Variants in GCG observed in about 807,000 individuals in gnomAD.
GCG encodes the protein glucagon.
Under a neutral mutation model 22.8 loss-of-function variants are expected in GCG, and 11 were observed. The observed-to-expected ratio is 0.48, with a 90% CI of 0.30 to 0.80. The LOEUF (loss-of-function observed/expected upper bound fraction) is 0.80, where lower values mean the gene tolerates loss of function less well. GCG is among the 30% of genes least tolerant of loss of function. The pLI is 0.06. For missense variants in GCG, 222 were observed against 222.0 expected, an observed-to-expected ratio of 1.00 and a Z score of 0.00; for synonymous variants, 89 against 72.4, an observed-to-expected ratio of 1.23 and a Z score of -1.16.
At chr2:162,143,643 ACTC>A (rs1686610222) in intron 5 of GCG, among the ~76,000 whole-genome samples, 2 of 152,204 alleles carry the variant, frequency 1.3e-5, no homozygotes, top group Admixed American at 1.3e-4. Context: ...AGTTCTCACT[ACTC>A]TTCTTATTAA....
intron 5 of GCG, 87 bp downstream of exon 5, chr2:162,143,940 C>G: frequency 9.1e-7 from 1 of 1,097,204 alleles, no homozygotes; most frequent in Non-Finnish European, 1.4e-6. Flanking sequence ...TAGACTTTCC[C>G]CCTACATGGG....
Position 162,143,343 on chromosome 2 carries a change from T to C in GCG, c.*21A>G, listed in dbSNP as rs1356364538. On this transcript the variant is annotated 3_prime_UTR_variant, in exon 6 of 6. Coordinates refer to ENST00000418842, the MANE Select transcript of GCG (RefSeq NM_002054.5). ...TGGCTAGCAGGTGATGTTGTGAAGA[T>C]GATCTTGAATAGTGATATAGTTATT... 16 of 1,230,766 alleles carry C rather than the reference T, an allele frequency of 1.3e-5. No individual in the cohort carries two copies. The highest frequency in any genetic ancestry group is 1.7e-5 in the Non-Finnish European group (15 of 878,712). The allele number at this position is 1,230,766 out of a possible 1,614,324, so 76.2% of individuals were successfully genotyped here. A position where few individuals can be genotyped will look rare whatever the true frequency, so the allele number is the denominator to read the frequency against.
chr2:162,149,219 G>C (rs375610192), intron 1 of GCG, 32 bp from the exon 2 acceptor site: 26 of 1,253,462 alleles, frequency 2.1e-5, no homozygotes, highest in Non-Finnish European at 3.0e-5. Context: ...GTAGGGTGAG[G>C]GGGGCAGGCA....
At chr2:162,143,445 TC>T in intron 5 of GCG, 75 bp from the exon 6 acceptor site, 1 of 611,196 alleles carries the variant, frequency 1.6e-6, no homozygotes. Context: ...AGAAAATATT[TC>T]AATGATTTAT....
At chr2:162,149,955 T>G (rs1055349097) in intron 1 of GCG, among the ~76,000 whole-genome samples, 4 of 152,128 alleles carry the variant, frequency 2.6e-5, no homozygotes, top group Non-Finnish European at 5.9e-5. Context: ...GTCCCCAGGT[T>G]GTTTTCTAAT....
chr2:162,150,273 T>C (rs904034536), intron 1 of GCG, among the ~76,000 whole-genome samples: 3 of 152,154 alleles, frequency 2.0e-5, no homozygotes, highest in African/African-American at 4.8e-5. Context: ...AGTTTGACTA[T>C]GCTTATCCAC....
chr2:162,143,885 T>C, intron 5 of GCG, 142 bp downstream of exon 5: 1 of 704,070 alleles, frequency 1.4e-6, no homozygotes. Context: ...TGTACTCTTA[T>C]ATGACTTAAA....
intron 3 of GCG, among the ~76,000 whole-genome samples, chr2:162,146,064 G>C (rs1472000796): frequency 6.6e-6 from 1 of 152,160 alleles, no homozygotes; most frequent in Non-Finnish European, 1.5e-5. Flanking sequence ...GTCAGAGTTA[G>C]TTAATTGATT....
Position 162,146,538 on chromosome 2 carries a change from T to TTCTCTCTCTCTC in GCG, c.254+803_254+814dup, listed in dbSNP as rs59717414. 3.6e-4 allele frequency among the ~76,000 whole-genome samples: 48 copies of TTCTCTCTCTCTC among 133,512 alleles called. 1 individual carries two copies. The East Asian group carries it at 5.0e-3, about 14-fold the overall frequency. 87.6% of individuals were successfully genotyped at this position (133,512 alleles called of 152,430 possible). On this transcript the variant is annotated intron_variant, in intron 3 of 5. Coordinates refer to ENST00000418842, the MANE Select transcript of GCG (RefSeq NM_002054.5). Reference sequence around the variant, plus strand: ...TTCTCCTATTCCTCCTGCTTGCTTGTTCTCTCTCTCTCTCTCTCTCTCTCT... The same window carrying TTCTCTCTCTCTC: ...TTCTCCTATTCCTCCTGCTTGCTTGTTCTCTCTCTCTCTCTCTCTCTCTCTCTCTCTCTCTCT...
rs1472602099 is a variant in GCG, at chr2:162,147,504, C to A, written c.103G>T (p.Ala35Ser). 1 of 1,612,920 alleles carries A rather than the reference C, an allele frequency of 6.2e-7. No homozygotes were observed. Among genetic ancestry groups the A allele is most frequent in the African/African-American group, 1.3e-5 (1 of 74,832 alleles). Residue 35 changes from alanine to serine, a missense_variant, in exon 3 of 6, where the codon GCT becomes TCT. Physicochemically the swap from Ala to Ser is moderately conservative, Grantham distance 99. Coordinates refer to ENST00000418842, the MANE Select transcript of GCG (RefSeq NM_002054.5). ...TCACTGAGTGGGTCTGCCTGGGAAG[C>A]TGAGAATGATCTGTGAAGAACAGTG... ...DTEEKSRSFSASQADPLSDPD... is the reference protein window; with the variant it reads ...DTEEKSRSFSSSQADPLSDPD...
chr2:162,143,976 C>G, intron 5 of GCG, 51 bp downstream of exon 5: 17 of 1,512,648 alleles, frequency 1.1e-5, no homozygotes, highest in Non-Finnish European at 1.5e-5. Flanking sequence ...GTATGACAAT[C>G]AGTACTTATG....
At chr2:162,147,676 G>A (rs564205563) in intron 2 of GCG, 162 bp from the exon 3 acceptor site, 1 of 759,612 alleles carries the variant, frequency 1.3e-6, no homozygotes, top group African/African-American at 1.7e-5. Context: ...CTTGTCATGA[G>A]AATCCCTTCG....
At chr2:162,149,995 G>T (rs1022036693) in intron 1 of GCG, among the ~76,000 whole-genome samples, 3 of 152,114 alleles carry the variant, frequency 2.0e-5, no homozygotes, top group African/African-American at 7.2e-5. Context: ...GTCATTCACT[G>T]CTGGTGACAC....
rs756760173 is a variant in GCG, at chr2:162,145,656, G to A, written c.276C>T (p.His92=). 20 of 1,609,420 alleles carry A rather than the reference G, an allele frequency of 1.2e-5. No homozygotes were observed. Among genetic ancestry groups the A allele is most frequent in the Non-Finnish European group, 1.5e-5 (18 of 1,177,884 alleles). Residue 92 remains histidine, a synonymous_variant, in exon 4 of 6, where the codon CAC becomes CAT. Coordinates refer to ENST00000418842, the MANE Select transcript of GCG (RefSeq NM_002054.5). ...KRNRNNIAKR[H]DEFERHAEGT... Reference sequence around the variant, plus strand: ...CTTCAGCATGTCTCTCAAATTCATCGTGACGTTTGGCAATGTTATTCCTGA... The same window carrying A: ...CTTCAGCATGTCTCTCAAATTCATCATGACGTTTGGCAATGTTATTCCTGA...
At position 162,145,656 on chromosome 2, in the gene GCG, G is replaced by T; in HGVS notation, c.276C>A (p.His92Gln). ...KRNRNNIAKRHDEFERHAEGT... is the reference protein window; with the variant it reads ...KRNRNNIAKRQDEFERHAEGT... ...CTTCAGCATGTCTCTCAAATTCATCGTGACGTTTGGCAATGTTATTCCTGA... is the reference window on the plus strand; with the variant it reads ...CTTCAGCATGTCTCTCAAATTCATCTTGACGTTTGGCAATGTTATTCCTGA... The change falls in exon 4 of 6, where the codon CAC (histidine) becomes CAA (glutamine). Residue 92 changes from histidine (H) to glutamine (Q), a missense_variant. By Grantham distance (24) the His-to-Gln change is conservative (BLOSUM62 0). Coordinates refer to ENST00000418842, the MANE Select transcript of GCG (RefSeq NM_002054.5). The T allele has an allele frequency of 6.2e-7, 1 of 1,609,538 alleles. No homozygotes were observed. The highest frequency in any genetic ancestry group is 1.1e-5 in the South Asian group (1 of 89,972).
At chr2:162,146,509 C>A (rs1686686859) in intron 3 of GCG, among the ~76,000 whole-genome samples, 1 of 151,310 alleles carries the variant, frequency 6.6e-6, no homozygotes, top group Non-Finnish European at 1.5e-5. Flanking sequence ...ATTAGCAACT[C>A]TGTTTCTCCT....
chr2:162,147,290 G>T (rs1686712232), intron 3 of GCG, 63 bp downstream of exon 3: 2 of 1,220,174 alleles, frequency 1.6e-6, no homozygotes, highest in Non-Finnish European at 2.4e-6. Context: ...ATAATGTCAA[G>T]AGAAATTTTA....
At position 162,149,134 on chromosome 2, in the gene GCG, T is replaced by TACCA. The variant is rs1338437717; in HGVS notation, c.41_44dup (p.Gln16GlyfsTer29). The TACCA allele has an allele frequency of 6.2e-7, 1 of 1,612,652 alleles. No homozygotes were observed. Among genetic ancestry groups the TACCA allele is most frequent in the Non-Finnish European group, 8.5e-7 (1 of 1,179,006 alleles). On this transcript the variant is annotated frameshift_variant, in exon 2 of 6. Transcript: ENST00000418842. LOFTEE classifies it high-confidence loss of function. ...GAAGGGAACGTTGCCAGCTGCCTTG[T>TACCA]ACCAGCATTACAAATAATCCAGCCA...
chr2:162,147,598 G>T, intron 2 of GCG, 84 bp from the exon 3 acceptor site: 1 of 1,196,932 alleles, frequency 8.4e-7, no homozygotes, highest in South Asian at 1.2e-5. Context: ...CAAAATACAA[G>T]ACCATATAAA....
Sources: gnomAD v4.1 joint callset for allele counts (sites outside exome capture counted in the v4.1 genomes callset) on GRCh38, gnomAD v4.1.1 for gene constraint, MANE v1.5 for transcripts, NCBI Gene and HGNC (gene_info 2026-07-23, HGNC 2026-07-21) for gene names.